The following FBXO25 variants were observed in gnomAD, a reference collection of about 807,000 sequenced individuals.
FBXO25 encodes F-box protein 25, also known as F-box only protein 25.
FBXO25 carries 45 observed loss-of-function variants against 51.9 expected under a neutral mutation model. The ratio of observed to expected loss-of-function variants is 0.87; its 90% CI spans 0.68 to 1.11. FBXO25 has a LOEUF of 1.11. Ranked by LOEUF, FBXO25 falls within the 50% of genes most tolerant of loss-of-function variation. The probability of loss-of-function intolerance (pLI) is 0.00; values close to 1 mark genes in which losing one functional copy is unlikely to be tolerated. For synonymous variants in FBXO25, 199 were observed against 151.0 expected (o/e 1.32, Z -2.33); for missense variants, 507 against 428.5 (o/e 1.18, Z -1.62).
At chr8:408,451 A>T (rs1479428616) in intron 1 of FBXO25, among the ~76,000 whole-genome samples, 1 of 152,238 alleles carries the variant, frequency 6.6e-6, no homozygotes, top group Non-Finnish European at 1.5e-5. Flanking sequence ...ATCATTTTGA[A>T]TCCCAGCTCC....
chr8:461,106 A>G (rs1357027929), intron 8 of FBXO25, among the ~76,000 whole-genome samples: 1 of 152,166 alleles, frequency 6.6e-6, no homozygotes, highest in African/African-American at 2.4e-5. Context: ...TTTTGTATGC[A>G]CTCAAACATA....
chr8:456,516 A>T (rs1367772566), intron 7 of FBXO25, among the ~76,000 whole-genome samples: 1 of 152,198 alleles, frequency 6.6e-6, no homozygotes, highest in Admixed American at 6.5e-5. Context: ...CTGCTGGGGA[A>T]GTGATGTCTC....
At chr8:407,141 GCGGGCGCGTCAGGTGGGGACGACGGGCCA>G in intron 1 of FBXO25, 75 bp downstream of exon 1, 1 of 167,460 alleles carries the variant, frequency 6.0e-6, no homozygotes, top group Non-Finnish European at 1.2e-5. Context: ...ATTGGGGCTC[GCGGGCGCGTCAGGTGGGGACGACGGGCCA>G]CGGGCGAGTC....
intron 4 of FBXO25, among the ~76,000 whole-genome samples, chr8:433,875 G>C (rs1797957348): frequency 6.6e-6 from 1 of 152,156 alleles, no homozygotes; most frequent in African/African-American, 2.4e-5. Context: ...GGTATAGAAT[G>C]AATCAGATCC....
At position 476,172 on chromosome 8, in the gene FBXO25, G is replaced by A. The variant is rs887072461; in HGVS notation, c.*7368G>A. ...TAATGTAATAGACATTACATTTATTGACTTGAGCATGTTGAAACATCTTTG... is the reference window on the plus strand; with the variant it reads ...TAATGTAATAGACATTACATTTATTAACTTGAGCATGTTGAAACATCTTTG... On this transcript the variant is annotated 3_prime_UTR_variant, in exon 10 of 10. Coordinates refer to ENST00000350302, the MANE Select transcript of FBXO25 (RefSeq NM_183420.2). 83 of 151,920 alleles carry A rather than the reference G, an allele frequency of 5.5e-4. No homozygotes were observed. Among genetic ancestry groups the A allele is most frequent in the African/African-American group, 1.8e-3 (75 of 41,410 alleles). 9.4% of individuals were successfully genotyped at this position (151,920 alleles called of 1,614,324 possible).
intron 1 of FBXO25, among the ~76,000 whole-genome samples, chr8:411,289 CTG>C (rs1796471511): frequency 6.6e-6 from 1 of 152,230 alleles, no homozygotes; most frequent in Non-Finnish European, 1.5e-5. Flanking sequence ...ATTTTCGTCT[CTG>C]TCGACCATTT....
chr8:461,216 C>T (rs976635004), intron 8 of FBXO25, among the ~76,000 whole-genome samples: 4 of 152,086 alleles, frequency 2.6e-5, no homozygotes, highest in Admixed American at 6.5e-5. Flanking sequence ...ATTAAGATAC[C>T]CTCCACTTTA....
rs1226505050 is a variant in FBXO25, at chr8:470,927, TTTC to T, written c.*2129_*2131del. 2.6e-5 allele frequency: 4 copies of T among 152,228 alleles called. No individual in the cohort carries two copies. The highest frequency in any genetic ancestry group is 4.4e-5 in the Non-Finnish European group (3 of 68,038). The allele number at this position is 152,228 out of a possible 1,614,324, so 9.4% of individuals were successfully genotyped here. A position where few individuals can be genotyped will look rare whatever the true frequency, so the allele number is the denominator to read the frequency against. On this transcript the variant is annotated 3_prime_UTR_variant, in exon 10 of 10. Coordinates refer to ENST00000350302, the MANE Select transcript of FBXO25 (RefSeq NM_183420.2). ...GGATGTCAGTCTTTTTTCATGTTAG[TTTC>T]TTCTTAAAAGGAAACTATCCTTTTG...
At chr8:415,738 G>A (rs1796756503) in intron 2 of FBXO25, among the ~76,000 whole-genome samples, 1 of 152,168 alleles carries the variant, frequency 6.6e-6, no homozygotes, top group South Asian at 2.1e-4. Flanking sequence ...TAATCTGGCT[G>A]GGTCTTCTCT....
At chr8:417,212 G>C (rs1050227821) in intron 2 of FBXO25, among the ~76,000 whole-genome samples, 1 of 152,204 alleles carries the variant, frequency 6.6e-6, no homozygotes, top group African/African-American at 2.4e-5. Context: ...TAAGGACTTG[G>C]GCTTTTCTGA....
Position 471,921 on chromosome 8 carries a change from G to C in FBXO25, c.*3117G>C, listed in dbSNP as rs150490951. Reference sequence around the variant, plus strand: ...ATCTGTGAACAGTTTTTTGCCTTAAGTGCTGCTTTTAGAACCAAACTGTCA... The same window carrying C: ...ATCTGTGAACAGTTTTTTGCCTTAACTGCTGCTTTTAGAACCAAACTGTCA... On this transcript the variant is annotated 3_prime_UTR_variant, in exon 10 of 10. Transcript: ENST00000350302. 3 of 152,166 alleles carry C rather than the reference G, an allele frequency of 2.0e-5. No homozygotes were observed. The highest frequency in any genetic ancestry group is 7.2e-5 in the African/African-American group (3 of 41,438). The allele number at this position is 152,166 out of a possible 1,614,324, so 9.4% of individuals were successfully genotyped here. A position where few individuals can be genotyped will look rare whatever the true frequency, so the allele number is the denominator to read the frequency against.
At chr8:449,417 G>A (rs1034155368) in intron 5 of FBXO25, among the ~76,000 whole-genome samples, 4 of 152,190 alleles carry the variant, frequency 2.6e-5, no homozygotes, top group Admixed American at 2.0e-4. Flanking sequence ...TGGCTTCCCA[G>A]AATACAAATT....
chr8:415,594 C>G (rs1434523824), intron 2 of FBXO25, among the ~76,000 whole-genome samples: 1 of 152,114 alleles, frequency 6.6e-6, no homozygotes, highest in African/African-American at 2.4e-5. Context: ...TGAGTGCTGC[C>G]TATGGTGATG....
chr8:415,004 C>T (rs1020122329), intron 2 of FBXO25, among the ~76,000 whole-genome samples: 3 of 152,162 alleles, frequency 2.0e-5, no homozygotes, highest in African/African-American at 4.8e-5. Flanking sequence ...TGTATCCTTT[C>T]TCTGGAAGGA....
At chr8:410,975 T>C (rs1364360636) in intron 1 of FBXO25, among the ~76,000 whole-genome samples, 12 of 152,206 alleles carry the variant, frequency 7.9e-5, no homozygotes, top group Admixed American at 7.2e-4. Flanking sequence ...TCCTTTTTTT[T>C]CTGTATCTTC....
chr8:464,684 A>G (rs1794398915), intron 9 of FBXO25, among the ~76,000 whole-genome samples: 1 of 152,200 alleles, frequency 6.6e-6, no homozygotes, highest in Admixed American at 6.5e-5. Flanking sequence ...CATTTATTCT[A>G]AGTGTGGCTT....
intron 5 of FBXO25, among the ~76,000 whole-genome samples, chr8:441,623 C>G (rs1798431121): frequency 1.3e-5 from 2 of 152,086 alleles, no homozygotes; most frequent in Admixed American, 1.3e-4. Flanking sequence ...ATCCATCTGA[C>G]AAAGGGCTAA....
chr8:453,226 T>A (rs1401779120), intron 7 of FBXO25, among the ~76,000 whole-genome samples: 2 of 152,236 alleles, frequency 1.3e-5, no homozygotes, highest in Non-Finnish European at 2.9e-5. Flanking sequence ...AACACAAAGG[T>A]GCCAGTTTTC....
intron 5 of FBXO25, 36 bp downstream of exon 5, chr8:435,743 C>G: frequency 6.4e-7 from 1 of 1,559,464 alleles, no homozygotes; most frequent in South Asian, 1.2e-5. Context: ...TTTGATGACT[C>G]TTTTGAACAA....
Sources: gnomAD v4.1 joint callset for allele counts (sites outside exome capture counted in the v4.1 genomes callset) on GRCh38, gnomAD v4.1.1 for gene constraint, MANE v1.5 for transcripts, NCBI Gene and HGNC (gene_info 2026-07-23, HGNC 2026-07-21) for gene names.